Variants in RBP2 observed in about 807,000 individuals in gnomAD.
The protein encoded by RBP2 is retinol-binding protein 2.
A neutral mutation model predicts 17.0 loss-of-function variants in RBP2; 17 were observed. The observed-to-expected ratio is 1.00, with a 90% confidence interval of 0.68 to 1.50. The LOEUF is 1.50. Ranked by LOEUF, RBP2 falls within the 40% of genes most tolerant of loss-of-function variation. The probability of loss-of-function intolerance (pLI) is 0.00; values close to 1 mark genes in which losing one functional copy is unlikely to be tolerated. For missense variants in RBP2, 158 were observed against 168.2 expected (o/e 0.94, Z 0.33); for synonymous variants, 48 against 57.1 (o/e 0.84, Z 0.72).
chr3:139,454,786 C>CT lies in RBP2; in HGVS notation c.296dup (p.Glu101GlyfsTer12). ...TCCAGCCGCGGTTCTCCTTCTCCCCCTTTTGCACACACACAAGGACATCAC... is the reference window on the plus strand; with the variant it reads ...TCCAGCCGCGGTTCTCCTTCTCCCCCTTTTTGCACACACACAAGGACATCAC... On this transcript the variant is annotated frameshift_variant, in exon 3 of 4. Transcript: ENST00000232217. LOFTEE classifies it high-confidence loss of function. The CT allele has an allele frequency of 6.2e-7, 1 of 1,614,212 alleles. No individual in the cohort carries two copies. Among genetic ancestry groups the CT allele is most frequent in the Non-Finnish European group, 8.5e-7 (1 of 1,180,034 alleles).
intron 2 of RBP2, among the ~76,000 whole-genome samples, chr3:139,455,967 T>C (rs1434209922): frequency 1.3e-5 from 2 of 152,208 alleles, no homozygotes; most frequent in African/African-American, 4.8e-5. Flanking sequence ...TCCCCACTTT[T>C]ACCCCTCCTA....
At chr3:139,454,196 A>G (rs1943356993) in intron 3 of RBP2, among the ~76,000 whole-genome samples, 1 of 152,244 alleles carries the variant, frequency 6.6e-6, no homozygotes, top group Non-Finnish European at 1.5e-5. Flanking sequence ...AACAGGTATA[A>G]GATATTTAAG....
intron 1 of RBP2, among the ~76,000 whole-genome samples, chr3:139,475,405 T>C (rs17336869): frequency 0.27 from 40,948 of 151,222 alleles, 7,029 homozygotes; most frequent in East Asian, 0.86. Context: ...GCTCTCCTTT[T>C]TCATTGACAT....
chr3:139,459,781 G>A (rs1448973226), intron 2 of RBP2, among the ~76,000 whole-genome samples: 1 of 151,626 alleles, frequency 6.6e-6, no homozygotes, highest in Non-Finnish European at 1.5e-5. Context: ...CATTGTTGGA[G>A]GCTGGGCAAA....
intron 2 of RBP2, among the ~76,000 whole-genome samples, chr3:139,458,630 A>G (rs1314835084): frequency 1.3e-5 from 2 of 152,036 alleles, no homozygotes; most frequent in Admixed American, 6.6e-5. Flanking sequence ...CATTTCCTCT[A>G]TCCCCTGTCT....
rs1212565794 is a variant in RBP2 at position 139,456,047 on chromosome 3, C to T, written c.253-1217G>A. On this transcript the variant is annotated intron_variant, in intron 2 of 3. Transcript: ENST00000232217. Reference sequence around the variant, plus strand: ...CAACCACTTCTGTGCCCAAATTAGGCGTGCCCTTCCTGAGATGATTATGTC... The same window carrying T: ...CAACCACTTCTGTGCCCAAATTAGGTGTGCCCTTCCTGAGATGATTATGTC... Among the ~76,000 whole-genome samples the T allele has an allele frequency of 2.0e-5, 3 of 152,316 alleles. No homozygotes were observed. The South Asian group carries it at 6.2e-4, about 32-fold the overall frequency.
At chr3:139,473,129 G>A (rs965267324) in intron 1 of RBP2, among the ~76,000 whole-genome samples, 3 of 152,228 alleles carry the variant, frequency 2.0e-5, no homozygotes, top group Non-Finnish European at 4.4e-5. Context: ...GGGCAAAAGA[G>A]TTCACCAACT....
chr3:139,470,453 C>T (rs1464264503), intron 1 of RBP2, among the ~76,000 whole-genome samples: 1 of 151,992 alleles, frequency 6.6e-6, no homozygotes, highest in Non-Finnish European at 1.5e-5. Context: ...GGTCTCTCAT[C>T]CTCTCTGCTT....
chr3:139,461,341 G>A (rs1205776841), intron 2 of RBP2, among the ~76,000 whole-genome samples: 1 of 152,176 alleles, frequency 6.6e-6, no homozygotes, highest in African/African-American at 2.4e-5. Context: ...CCCTCTCAGA[G>A]TTGTTTTCTG....
chr3:139,459,773 T>C (rs1933121055), intron 2 of RBP2, among the ~76,000 whole-genome samples: 1 of 151,680 alleles, frequency 6.6e-6, no homozygotes, highest in Admixed American at 6.6e-5. Context: ...GAATGGCCCA[T>C]TGTTGGAGGC....
At position 139,461,500 on chromosome 3, in the gene RBP2, T is replaced by C. The variant is rs184184414; in HGVS notation, c.252+612A>G. Among the ~76,000 whole-genome samples the C allele has an allele frequency of 4.5e-3, 680 of 152,030 alleles. 7 individuals carry two copies. Among genetic ancestry groups the C allele is most frequent in the African/African-American group, 0.016 (659 of 41,436 alleles). ...ACTTGCCAGAGATTTCTCCAAGTTATTAGGGCTGGATAAATCTTGACTCCA... is the reference window on the plus strand; with the variant it reads ...ACTTGCCAGAGATTTCTCCAAGTTACTAGGGCTGGATAAATCTTGACTCCA... On this transcript the variant is annotated intron_variant, in intron 2 of 3. Transcript: ENST00000232217.
intron 2 of RBP2, among the ~76,000 whole-genome samples, chr3:139,456,101 T>G (rs1368081399): frequency 2.6e-5 from 4 of 152,208 alleles, no homozygotes; most frequent in Admixed American, 2.6e-4. Context: ...CTTCTGTGCC[T>G]GTGTTGTTCT....
rs1933217055 is a variant in RBP2, at chr3:139,462,301, A to AG, written c.74-12dup. ...TGGCAAAATCAATATCTGTTGGCAA[A>AG]GGGAGTTGTGGAGGTTATGATGTGC... On this transcript the variant is annotated splice_polypyrimidine_tract_variant and intron_variant, in intron 1 of 3. Coordinates refer to ENST00000232217, the MANE Select transcript of RBP2 (RefSeq NM_004164.3). The AG allele has an allele frequency of 2.5e-6, 4 of 1,613,932 alleles. No individual in the cohort carries two copies. Among genetic ancestry groups the AG allele is most frequent in the Non-Finnish European group, 3.4e-6 (4 of 1,179,838 alleles).
At chr3:139,458,034 A>ATC (rs966500563) in intron 2 of RBP2, among the ~76,000 whole-genome samples, 10 of 152,252 alleles carry the variant, frequency 6.6e-5, no homozygotes, top group African/African-American at 1.9e-4. Context: ...GGGCTAAGGC[A>ATC]TCTGATTGTT....
chr3:139,464,148 G>T (rs2107874506), intron 1 of RBP2, among the ~76,000 whole-genome samples: 1 of 152,158 alleles, frequency 6.6e-6, no homozygotes, highest in South Asian at 2.1e-4. Context: ...TTTCCTTTCT[G>T]ACCCATTTCC....
intron 2 of RBP2, among the ~76,000 whole-genome samples, chr3:139,456,823 C>T (rs746590784): frequency 2.0e-5 from 3 of 152,128 alleles, no homozygotes; most frequent in Non-Finnish European, 4.4e-5. Context: ...AAAAAGGTCT[C>T]CTTTTCCTTT....
chr3:139,473,145 C>T (rs1002095052), intron 1 of RBP2, among the ~76,000 whole-genome samples: 2 of 152,218 alleles, frequency 1.3e-5, no homozygotes, highest in Non-Finnish European at 2.9e-5. Flanking sequence ...CAACTGGTTT[C>T]CTCACTGTCA....
At chr3:139,473,851 A>G (rs1019197264) in intron 1 of RBP2, among the ~76,000 whole-genome samples, 4 of 152,158 alleles carry the variant, frequency 2.6e-5, no homozygotes, top group Non-Finnish European at 5.9e-5. Context: ...TGGGTGAGGC[A>G]TTTCTGCACA....
chr3:139,459,553 G>A lies in RBP2; in HGVS notation c.252+2559C>T, dbSNP rs146703846. Among the ~76,000 whole-genome samples the A allele has an allele frequency of 7.6e-3, 1,144 of 151,042 alleles. 16 individuals carry two copies. The highest frequency in any genetic ancestry group is 0.026 in the African/African-American group (1,062 of 41,064). ...CAGGAGAATTGCTTGAACCTGGGAG[G>A]TGGAGGTTGCAATGAGCCTAAATTG... On this transcript the variant is annotated intron_variant, in intron 2 of 3. Coordinates refer to ENST00000232217, the MANE Select transcript of RBP2 (RefSeq NM_004164.3).
Sources: gnomAD v4.1 joint callset for allele counts (sites outside exome capture counted in the v4.1 genomes callset) on GRCh38, gnomAD v4.1.1 for gene constraint, MANE v1.5 for transcripts, NCBI Gene and HGNC (gene_info 2026-07-23, HGNC 2026-07-21) for gene names.